Variants in MATR3 observed in about 807,000 individuals in gnomAD.
The protein encoded by MATR3 is matrin 3.
MATR3 carries 4 observed loss-of-function variants against 85.5 expected under a neutral mutation model. That is an observed-to-expected ratio of 0.05 (90% CI 0.02 to 0.11). The LOEUF (loss-of-function observed/expected upper bound fraction) is 0.11. Ranked by LOEUF, MATR3 falls within the 10% of genes least tolerant of loss-of-function variation. The probability of loss-of-function intolerance (pLI) is 1.00; values close to 1 mark genes in which losing one functional copy is unlikely to be tolerated. For missense variants in MATR3, 685 were observed against 1,016.1 expected, an observed-to-expected ratio of 0.67 and a Z score of 4.43; for synonymous variants, 336 against 343.1, an observed-to-expected ratio of 0.98 and a Z score of 0.23.
chr5:139,326,312 T>G, intron 14 of MATR3, 28 bp downstream of exon 14: 1 of 1,611,134 alleles, frequency 6.2e-7, no homozygotes, highest in Non-Finnish European at 8.5e-7. Flanking sequence ...ACAGTTCTTT[T>G]GTGAAAACTT....
At chr5:139,284,614 A>G (rs559964581) in intron 3 of MATR3, among the ~76,000 whole-genome samples, 166 of 152,306 alleles carry the variant, frequency 1.1e-3, no homozygotes, top group Non-Finnish European at 1.7e-3. Context: ...TCAAAAAAAA[A>G]AAAAGAAAAT....
chr5:139,314,919 A>G (rs894443589), intron 3 of MATR3, 183 bp downstream of exon 3: 12 of 572,798 alleles, frequency 2.1e-5, no homozygotes, highest in Admixed American at 5.5e-5. Context: ...TGAATATTAG[A>G]TGCAGTAATA....
chr5:139,326,359 AT>A (rs1264532305), intron 14 of MATR3, 75 bp downstream of exon 14: 2 of 1,408,604 alleles, frequency 1.4e-6, no homozygotes, highest in Non-Finnish European at 2.0e-6. Flanking sequence ...TATAAGTAAA[AT>A]GTGTATAGTG....
In MATR3 at chr5:139,329,898, T is replaced by TTGGCAATTGAAA. The variant is rs1200317748; in HGVS notation, c.*506_*517dup. 4.4e-6 allele frequency: 2 copies of TTGGCAATTGAAA among 454,450 alleles called. No individual in the cohort carries two copies. The highest frequency in any genetic ancestry group is 8.8e-6 in the Non-Finnish European group (2 of 226,790). The allele number at this position is 454,450 out of a possible 1,614,324, so 28.2% of individuals were successfully genotyped here. A position where few individuals can be genotyped will look rare whatever the true frequency, so the allele number is the denominator to read the frequency against. On this transcript the variant is annotated 3_prime_UTR_variant, in exon 15 of 15. Coordinates refer to ENST00000394805, the MANE Select transcript of MATR3 (RefSeq NM_018834.6). ...TTTGGAGAACTTAATTAACGTGAGA[T>TTGGCAATTGAAA]TGGCAATTGAAATGCAGGTGCAGTT... is the stretch of plus-strand genomic sequence containing the variant.
At chr5:139,277,230 G>A (rs1474796423) in intron 2 of MATR3, among the ~76,000 whole-genome samples, 4 of 151,846 alleles carry the variant, frequency 2.6e-5, no homozygotes, top group Non-Finnish European at 5.9e-5. Context: ...GGCTGGTCTC[G>A]AACTCCTGGG....
chr5:139,294,221 G>A, intron 1 of MATR3: 1 of 446,314 alleles, frequency 2.2e-6, no homozygotes, highest in Non-Finnish European at 3.8e-6. Flanking sequence ...CTCGAGGCCT[G>A]AGGGACAGAC....
At chr5:139,323,766 T>TA (rs1736301692) in intron 12 of MATR3, among the ~76,000 whole-genome samples, 1 of 152,108 alleles carries the variant, frequency 6.6e-6, no homozygotes, top group African/African-American at 2.4e-5. Context: ...TGGTGGCACA[T>TA]ACCTGTAGCA....
chr5:139,306,179 A>T (rs180835292), intron 1 of MATR3, among the ~76,000 whole-genome samples: 49 of 152,316 alleles, frequency 3.2e-4, no homozygotes, highest in African/African-American at 1.1e-3. Context: ...GACAATCGTG[A>T]TATAAAAGAT....
At chr5:139,276,593 C>T (rs919377863) in intron 2 of MATR3, among the ~76,000 whole-genome samples, 1 of 152,136 alleles carries the variant, frequency 6.6e-6, no homozygotes, top group Non-Finnish European at 1.5e-5. Context: ...CTGAATAGTT[C>T]TGGTCCAACA....
At chr5:139,310,243 G>T (rs948966775) in intron 2 of MATR3, 4 of 152,132 alleles carry the variant, frequency 2.6e-5, no homozygotes, top group African/African-American at 9.7e-5. Flanking sequence ...AGTGCAAGAG[G>T]TACTTTTAGC....
At chr5:139,284,825 T>C (rs1753651564) in intron 3 of MATR3, among the ~76,000 whole-genome samples, 1 of 152,214 alleles carries the variant, frequency 6.6e-6, no homozygotes, top group Admixed American at 6.5e-5. Flanking sequence ...GGATATAACT[T>C]ATAACCAGAT....
chr5:139,276,042 A>G (rs985389423), intron 1 of MATR3: 4 of 456,604 alleles, frequency 8.8e-6, no homozygotes, highest in African/African-American at 8.0e-5. Flanking sequence ...GGCCTAAGTT[A>G]CCGTGTTTTG....
rs775719246 is a variant in MATR3, at chr5:139,308,204, A to G, written c.789A>G (p.Arg263=). The G allele has an allele frequency of 6.2e-7, 1 of 1,614,086 alleles. No homozygotes were observed. Among genetic ancestry groups the G allele is most frequent in the African/African-American group, 1.3e-5 (1 of 75,018 alleles). Residue 263 remains arginine (R), a synonymous_variant, in exon 2 of 15, where the codon AGA becomes AGG. Transcript: ENST00000394805. ...MGRGPGPLQE[R]SLFEKKRGAP... is the part of the protein sequence containing the mutation. The stretch of plus-strand genomic sequence containing the variant: ...GTGGTCCTGGCCCCTTACAAGAGAG[A>G]TCTCTCTTTGAGAAAAAGAGAGGCG...
intron 1 of MATR3, among the ~76,000 whole-genome samples, chr5:139,299,557 C>T (rs2151938688): frequency 6.6e-6 from 1 of 152,150 alleles, no homozygotes; most frequent in Non-Finnish European, 1.5e-5. Flanking sequence ...TGCCTGTGGT[C>T]CCTGCTGAGA....
rs757286731 is a variant in MATR3 at position 139,319,447 on chromosome 5, T to G, written c.1548T>G (p.Leu516=). ...ATTCTGATAGTGCTGTTCTCAAGCT[T>G]GCTGAGCCTTATGGGAAAATAAAGA... ...SGYSDSAVLK[L]AEPYGKIKNY... Residue 516 remains leucine (L), a synonymous_variant, in exon 9 of 15, where the codon CTT becomes CTG. Coordinates refer to ENST00000394805, the MANE Select transcript of MATR3 (RefSeq NM_018834.6). The G allele has an allele frequency of 2.5e-6, 4 of 1,614,050 alleles. No homozygotes were observed. Among genetic ancestry groups the G allele is most frequent in the Non-Finnish European group, 2.5e-6 (3 of 1,179,964 alleles).
At chr5:139,317,769 T>C (rs567716183) in intron 7 of MATR3, 48 bp downstream of exon 7, 11 of 1,461,316 alleles carry the variant, frequency 7.5e-6, no homozygotes, top group Middle Eastern at 2.1e-4. Context: ...GCCACTAATA[T>C]ATGTTCTGCA....
chr5:139,323,527 G>T (rs995796263), intron 12 of MATR3, among the ~76,000 whole-genome samples: 5 of 152,126 alleles, frequency 3.3e-5, no homozygotes, highest in Non-Finnish European at 7.4e-5. Context: ...AGTAAACAAA[G>T]GACCCACATT....
At chr5:139,309,919 C>T (rs1754886731) in intron 2 of MATR3, 1 of 152,100 alleles carries the variant, frequency 6.6e-6, no homozygotes, top group South Asian at 2.1e-4. Context: ...GACCAATATT[C>T]TCAGAAAGGG....
chr5:139,325,029 A>G (rs2152019894), intron 12 of MATR3, among the ~76,000 whole-genome samples: 1 of 152,102 alleles, frequency 6.6e-6, no homozygotes, highest in East Asian at 1.9e-4. Context: ...GTCTCTACTA[A>G]AATTACAAAA....
Sources: gnomAD v4.1 joint callset for allele counts (sites outside exome capture counted in the v4.1 genomes callset) on GRCh38, gnomAD v4.1.1 for gene constraint, MANE v1.5 for transcripts, NCBI Gene and HGNC (gene_info 2026-07-23, HGNC 2026-07-21) for gene names.